DYNC1LI1: variants seen among roughly 807,000 people sequenced by gnomAD.
DYNC1LI1 encodes cytoplasmic dynein 1 light intermediate chain 1.
DYNC1LI1 carries 19 observed loss-of-function variants against 63.8 expected under a neutral mutation model. The ratio of observed to expected loss-of-function variants is 0.30; its 90% CI spans 0.21 to 0.44. The LOEUF is 0.44. Among genes scored for constraint, DYNC1LI1 ranks in the 20% least tolerant of loss-of-function variants. The pLI is 1.00. For synonymous variants in DYNC1LI1, 225 were observed against 232.3 expected (o/e 0.97, Z 0.28); for missense variants, 565 against 630.2 (o/e 0.90, Z 1.11).
In DYNC1LI1 at chr3:32,541,074, T is replaced by C. The variant is rs760290563; in HGVS notation, c.701A>G (p.His234Arg). The stretch of plus-strand genomic sequence containing the variant: ...TACTAGTACTGGAATGCCCAAGTTA[T>C]GTGTAAGTGTATCCGCACCCAGAGG... The part of the protein sequence containing the change: ...VLPLGADTLT[H>R]NLGIPVLVVC... Residue 234 changes from histidine (H) to arginine (R), a missense_variant, in exon 5 of 13, where the codon CAT becomes CGT. Physicochemically the swap from His to Arg is conservative, Grantham distance 29. Coordinates refer to ENST00000273130, the MANE Select transcript of DYNC1LI1 (RefSeq NM_016141.4). The C allele has an allele frequency of 8.0e-5, 129 of 1,612,418 alleles. No individual in the cohort carries two copies. Among genetic ancestry groups the C allele is most frequent in the East Asian group, 1.1e-4 (5 of 44,788 alleles).
chr3:32,570,772 T>G lies in DYNC1LI1; in HGVS notation c.-2A>C. On this transcript the variant is annotated 5_prime_UTR_variant, in exon 1 of 13. Transcript: ENST00000273130. ...GCCGACTCGCCCCACGGCCGCCATC[T>G]TGGTCGGGAATCACACCACTCCCGG... 1.3e-6 allele frequency: 2 copies of G among 1,597,654 alleles called. No individual in the cohort carries two copies. Among genetic ancestry groups the G allele is most frequent in the Non-Finnish European group, 1.7e-6 (2 of 1,172,112 alleles).
intron 6 of DYNC1LI1, among the ~76,000 whole-genome samples, chr3:32,536,544 T>G (rs1697775788): frequency 6.6e-6 from 1 of 152,174 alleles, no homozygotes; most frequent in African/African-American, 2.4e-5. Flanking sequence ...CCAGCCTCAC[T>G]TTGGAATACT....
intron 5 of DYNC1LI1, among the ~76,000 whole-genome samples, chr3:32,539,368 C>T (rs1228752894): frequency 2.0e-5 from 3 of 151,966 alleles, no homozygotes; most frequent in African/African-American, 7.3e-5. Context: ...TGAATAAATT[C>T]TATACCCTCC....
At chr3:32,549,787 C>G (rs1559440572) in intron 2 of DYNC1LI1, among the ~76,000 whole-genome samples, 1 of 152,030 alleles carries the variant, frequency 6.6e-6, no homozygotes, top group African/African-American at 2.4e-5. Flanking sequence ...ATATTGTACA[C>G]AATATACACA....
Position 32,526,692 on chromosome 3 carries a change from T to C in DYNC1LI1, c.*107A>G. The C allele has an allele frequency of 2.6e-6, 2 of 764,930 alleles. No homozygotes were observed. The highest frequency in any genetic ancestry group is 1.6e-5 in the South Asian group (1 of 60,794). The allele number at this position is 764,930 out of a possible 1,614,324, so 47.4% of individuals were successfully genotyped here. On this transcript the variant is annotated 3_prime_UTR_variant, in exon 13 of 13. Transcript: ENST00000273130. ...ACACACACACACGACATAAATTTAG[T>C]CCATCTGAAGAAGCACTCCAGCTTT...
intron 10 of DYNC1LI1, 44 bp from the exon 11 acceptor site, chr3:32,529,704 T>C (rs758592411): frequency 3.3e-6 from 5 of 1,508,340 alleles, no homozygotes; most frequent in Non-Finnish European, 4.5e-6. Flanking sequence ...CCTGAAACTT[T>C]CATTTTCACA....
intron 2 of DYNC1LI1, among the ~76,000 whole-genome samples, chr3:32,563,153 T>C (rs1327474707): frequency 6.6e-6 from 1 of 152,150 alleles, no homozygotes; most frequent in Non-Finnish European, 1.5e-5. Flanking sequence ...AAGCATTTTA[T>C]ACATGACATG....
At chr3:32,554,863 AT>A (rs11434502) in intron 2 of DYNC1LI1, among the ~76,000 whole-genome samples, 4,316 of 104,700 alleles carry the variant, frequency 0.041, 34 homozygotes, top group South Asian at 0.065. Context: ...AAATTTTTGA[AT>A]TTTTTTTTTT....
intron 2 of DYNC1LI1, among the ~76,000 whole-genome samples, chr3:32,557,554 A>T (rs982465414): frequency 1.8e-4 from 27 of 151,940 alleles, no homozygotes; most frequent in East Asian, 5.8e-4. Flanking sequence ...ATAAAATAAA[A>T]AAATAAATAA....
In DYNC1LI1 at chr3:32,544,857, C is replaced by A. The variant is rs375111007; in HGVS notation, c.568+19G>T. On this transcript the variant is annotated intron_variant, in intron 4 of 12. Transcript: ENST00000273130. ...CATTTTGTATTTGAAACCTACATTA[C>A]TGTTTCTAGATTACTTACACTTTTG... The A allele has an allele frequency of 4.7e-5, 72 of 1,532,184 alleles. No individual in the cohort carries two copies. Among genetic ancestry groups the A allele is most frequent in the Non-Finnish European group, 6.2e-5 (69 of 1,107,238 alleles). 94.9% of individuals were successfully genotyped at this position (1,532,184 alleles called of 1,614,324 possible). A position where few individuals can be genotyped will look rare whatever the true frequency, so the allele number is the denominator to read the frequency against.
chr3:32,537,195 A>C (rs2125432777), intron 5 of DYNC1LI1, 91 bp from the exon 6 acceptor site: 1 of 657,504 alleles, frequency 1.5e-6, no homozygotes, highest in Non-Finnish European at 2.4e-6. Context: ...ATAGGGGAAC[A>C]TCATAAAAGT....
At chr3:32,543,578 T>G (rs189018978) in intron 4 of DYNC1LI1, among the ~76,000 whole-genome samples, 28 of 151,050 alleles carry the variant, frequency 1.9e-4, no homozygotes, top group African/African-American at 5.3e-4. Context: ...TTTTTTTTTT[T>G]TGTATTTTTA....
intron 3 of DYNC1LI1, 99 bp downstream of exon 3, chr3:32,545,750 C>T: frequency 2.5e-6 from 2 of 813,744 alleles, no homozygotes; most frequent in Non-Finnish European, 4.2e-6. Flanking sequence ...CACAGAACTT[C>T]TAGTAAAAAA....
At chr3:32,554,799 T>C (rs1239849917) in intron 2 of DYNC1LI1, among the ~76,000 whole-genome samples, 1 of 151,770 alleles carries the variant, frequency 6.6e-6, no homozygotes, top group Non-Finnish European at 1.5e-5. Flanking sequence ...AAAATTTCTA[T>C]CAACCACTCT....
intron 2 of DYNC1LI1, among the ~76,000 whole-genome samples, chr3:32,567,392 G>C (rs1158597729): frequency 6.6e-6 from 1 of 152,142 alleles, no homozygotes; most frequent in African/African-American, 2.4e-5. Flanking sequence ...GGTTGTAGGA[G>C]GAGAGAGAAT....
At chr3:32,570,278 AG>A (rs1698327421) in intron 2 of DYNC1LI1, 67 bp downstream of exon 2, 1 of 1,284,398 alleles carries the variant, frequency 7.8e-7, no homozygotes, top group African/African-American at 1.5e-5. Flanking sequence ...CCAGCGAGCT[AG>A]CCCGCGGACC....
At chr3:32,544,024 C>G (rs192381478) in intron 4 of DYNC1LI1, among the ~76,000 whole-genome samples, 1 of 151,724 alleles carries the variant, frequency 6.6e-6, no homozygotes, top group African/African-American at 2.4e-5. Context: ...CAAGATTGTG[C>G]CACTGTACTT....
intron 2 of DYNC1LI1, among the ~76,000 whole-genome samples, chr3:32,559,434 T>A (rs1447851491): frequency 6.6e-6 from 1 of 152,078 alleles, no homozygotes; most frequent in Non-Finnish European, 1.5e-5. Context: ...GAGCAAGATT[T>A]CACCATGCTG....
At chr3:32,541,956 AATAGT>A (rs769656891) in intron 4 of DYNC1LI1, among the ~76,000 whole-genome samples, 4 of 152,350 alleles carry the variant, frequency 2.6e-5, no homozygotes, top group Non-Finnish European at 4.4e-5. Context: ...ATAGGATTAA[AATAGT>A]ATATGAGAAA....
Sources: gnomAD v4.1 joint callset for allele counts (sites outside exome capture counted in the v4.1 genomes callset) on GRCh38, gnomAD v4.1.1 for gene constraint, MANE v1.5 for transcripts, NCBI Gene and HGNC (gene_info 2026-07-23, HGNC 2026-07-21) for gene names.